The following KLK7 variants were observed in gnomAD, a reference collection of about 807,000 sequenced individuals.
The protein encoded by KLK7 is kallikrein-7.
A neutral mutation model predicts 21.0 loss-of-function variants in KLK7; 17 were observed. That is an observed-to-expected ratio of 0.81 (90% CI 0.55 to 1.21). The LOEUF (loss-of-function observed/expected upper bound fraction) is 1.21, where lower values mean the gene tolerates loss of function less well. Among genes scored for constraint, KLK7 ranks in the 50% most tolerant of loss-of-function variants. The pLI is 0.00. For missense variants in KLK7, 330 were observed against 322.8 expected (o/e 1.02, Z -0.17); for synonymous variants, 151 against 134.6 (o/e 1.12, Z -0.85).
rs2091094655 is a variant in KLK7 at position 50,982,191 on chromosome 19, C to T, written c.73+136G>A. The T allele has an allele frequency of 1.7e-5, 20 of 1,166,622 alleles. 1 individual carries two copies. Among genetic ancestry groups the T allele is most frequent in the South Asian group, 5.7e-5 (4 of 70,682 alleles). 72.3% of individuals were successfully genotyped at this position (1,166,622 alleles called of 1,614,324 possible). On this transcript the variant is annotated intron_variant, in intron 2 of 5. Transcript: ENST00000595820. ...CCTGAGTCAGCAGAAGCAGGAAGAG[C>T]GGGGGCTTCAGCCGACAGTCTGGTC...
chr19:50,976,468 T>G lies in KLK7; in HGVS notation c.*1068A>C, dbSNP rs777990482. Reference sequence around the variant, plus strand: ...CCTGAAAGGTCACCTCTCTCCAATCTTAGATCTTCAGACTTTTTTCCCCAC... The same window carrying G: ...CCTGAAAGGTCACCTCTCTCCAATCGTAGATCTTCAGACTTTTTTCCCCAC... On this transcript the variant is annotated 3_prime_UTR_variant, in exon 6 of 6. Coordinates refer to ENST00000595820, the MANE Select transcript of KLK7 (RefSeq NM_005046.4). 3 of 152,182 alleles carry G rather than the reference T, an allele frequency of 2.0e-5. No individual in the cohort carries two copies. Among genetic ancestry groups the G allele is most frequent in the Non-Finnish European group, 4.4e-5 (3 of 68,036 alleles). 9.4% of individuals were successfully genotyped at this position (152,182 alleles called of 1,614,324 possible). A position where few individuals can be genotyped will look rare whatever the true frequency, so the allele number is the denominator to read the frequency against.
At position 50,981,733 on chromosome 19, in the gene KLK7, G is replaced by C. The variant is rs763601401; in HGVS notation, c.221+34C>G. The C allele has an allele frequency of 2.6e-6, 4 of 1,534,046 alleles. No homozygotes were observed. In the South Asian group the frequency reaches 4.9e-5, roughly 19 times the overall value. On this transcript the variant is annotated intron_variant, in intron 3 of 5. Transcript: ENST00000595820. ...CCCCCATAGCGAGCTGGAGACGCTG[G>C]TGCACCTCCAGCAGAGACTTGGGCG...
At chr19:50,983,109 T>G (rs369002695) in intron 1 of KLK7, among the ~76,000 whole-genome samples, 1 of 14,962 alleles carries the variant, frequency 6.7e-5, no homozygotes, top group Non-Finnish European at 1.1e-4. Context: ...GGCCCCCAGC[T>G]CCTCCTCCCT....
chr19:50,982,450 TGCTGGA>T lies in KLK7; in HGVS notation c.-57_-52del. 6.4e-7 allele frequency: 1 copy of T among 1,566,166 alleles called. No individual in the cohort carries two copies. Reference sequence around the variant, plus strand: ...CTGCCAGGCGAGGAAGGGCCTCTCCTGCTGGAGCTGAGAAGGAGAAAGCATTCAGGC... The same window carrying T: ...CTGCCAGGCGAGGAAGGGCCTCTCCTGCTGAGAAGGAGAAAGCATTCAGGC... On this transcript the variant is annotated splice_region_variant and 5_prime_UTR_variant, in exon 2 of 6. Coordinates refer to ENST00000595820, the MANE Select transcript of KLK7 (RefSeq NM_005046.4).
At chr19:50,978,664 G>A (rs2091054097) in intron 5 of KLK7, among the ~76,000 whole-genome samples, 1 of 145,184 alleles carries the variant, frequency 6.9e-6, no homozygotes, top group South Asian at 2.4e-4. Flanking sequence ...GTGGGGAGAG[G>A]AGAGAGAGAC....
chr19:50,980,160 G>C, intron 4 of KLK7, 80 bp downstream of exon 4: 1 of 1,468,688 alleles, frequency 6.8e-7, no homozygotes, highest in South Asian at 1.2e-5. Context: ...GTCTGAGGGA[G>C]GAGGGGCTGG....
chr19:50,980,136 G>A, intron 4 of KLK7, 104 bp downstream of exon 4: 1 of 1,341,704 alleles, frequency 7.5e-7, no homozygotes, highest in Non-Finnish European at 1.0e-6. Flanking sequence ...AGGGGCTGAG[G>A]CCTGGACTCC....
chr19:50,981,879 C>T lies in KLK7; in HGVS notation c.109G>A (p.Ala37Thr). 3.1e-6 allele frequency: 5 copies of T among 1,612,630 alleles called. No homozygotes were observed. Among genetic ancestry groups the T allele is most frequent in the Non-Finnish European group, 4.2e-6 (5 of 1,179,624 alleles). ...GDKIIDGAPC[A>T]RGSHPWQVAL... Reference sequence around the variant, plus strand: ...ACCTGCCATGGGTGGGAGCCTCTTGCACATGGGGCGCCATCAATAATCTTG... The same window carrying T: ...ACCTGCCATGGGTGGGAGCCTCTTGTACATGGGGCGCCATCAATAATCTTG... Residue 37 changes from alanine (A) to threonine (T), a missense_variant, in exon 3 of 6, where the codon GCA (alanine) becomes ACA (threonine). Physicochemically the swap from Ala to Thr is moderately conservative, Grantham distance 58 (BLOSUM62 0). Coordinates refer to ENST00000595820, the MANE Select transcript of KLK7 (RefSeq NM_005046.4).
At position 50,979,814 on chromosome 19, in the gene KLK7, G is replaced by C; in HGVS notation, c.580C>G (p.Pro194Ala). Residue 194 changes from proline to alanine, a missense_variant, in exon 5 of 6, where the codon CCC becomes GCC. Pro to Ala is a conservative substitution (Grantham distance 27). Coordinates refer to ENST00000595820, the MANE Select transcript of KLK7 (RefSeq NM_005046.4). The stretch of plus-strand genomic sequence containing the variant: ...TTGCAGGCGTTTTTCTTGGAGTCGG[G>C]GATGCCAGCGCACAGCATGGAATTT... Reference protein sequence around the residue: ...LENSMLCAGIPDSKKNACNGD... With the variant: ...LENSMLCAGIADSKKNACNGD... 1 of 1,574,802 alleles carries C rather than the reference G, an allele frequency of 6.3e-7. No individual in the cohort carries two copies. The highest frequency in any genetic ancestry group is 8.6e-7 in the Non-Finnish European group (1 of 1,159,092).
chr19:50,980,456 G>A lies in KLK7; in HGVS notation c.253C>T (p.Leu85=). 6.2e-7 allele frequency: 1 copy of A among 1,613,986 alleles called. No homozygotes were observed. The highest frequency in any genetic ancestry group is 8.5e-7 in the Non-Finnish European group (1 of 1,179,942). Residue 85 remains leucine, a synonymous_variant, in exon 4 of 6, where the codon CTG becomes TTG. Coordinates refer to ENST00000595820, the MANE Select transcript of KLK7 (RefSeq NM_005046.4). The stretch of plus-strand genomic sequence containing the variant: ...ATCCTCTGAGCTCTCCTGTCGCCCA[G>A]CGTATCACTGCCCAGGTGCACGGTG... ...EYTVHLGSDT[L]GDRRAQRIKA...
intron 1 of KLK7, among the ~76,000 whole-genome samples, chr19:50,983,364 T>G (rs1206403181): frequency 3.5e-5 from 2 of 57,454 alleles, no homozygotes; most frequent in Admixed American, 1.8e-4. Flanking sequence ...CCCCAGCCCC[T>G]CCTCCCTCAG....
At chr19:50,981,650 G>C in intron 3 of KLK7, 117 bp downstream of exon 3, 1 of 1,003,048 alleles carries the variant, frequency 1.0e-6, no homozygotes, top group Non-Finnish European at 1.4e-6. Context: ...AGAGAGAGGA[G>C]GACAGAGACC....
Position 50,979,915 on chromosome 19 carries a change from G to C in KLK7, c.479C>G (p.Pro160Arg), listed in dbSNP as rs1376156040. The change falls in exon 5 of 6, where the codon CCC (proline) becomes CGC (arginine). Residue 160 changes from proline (P) to arginine (R), a missense_variant. Transcript: ENST00000595820. ...GTTTSPDVTF[P>R]SDLMCVDVKL... Reference sequence around the variant, plus strand: ...GACATCCACGCACATGAGGTCAGAGGGAAAGGTCACTGCAGGGAGGAGCAG... The same window carrying C: ...GACATCCACGCACATGAGGTCAGAGCGAAAGGTCACTGCAGGGAGGAGCAG... The C allele has an allele frequency of 1.3e-6, 2 of 1,596,034 alleles. No individual in the cohort carries two copies. Among genetic ancestry groups the C allele is most frequent in the Non-Finnish European group, 1.7e-6 (2 of 1,171,312 alleles).
chr19:50,978,319 C>A (rs995429652), intron 5 of KLK7, among the ~76,000 whole-genome samples: 1 of 152,104 alleles, frequency 6.6e-6, no homozygotes, highest in African/African-American at 2.4e-5. Flanking sequence ...CTATCCCTAA[C>A]ACTCACCATC....
Position 50,981,842 on chromosome 19 carries a change from C to T in KLK7, c.146G>A (p.Ser49Asn). Residue 49 changes from serine (S) to asparagine (N), a missense_variant, in exon 3 of 6, where the codon AGT (serine) becomes AAT (asparagine). Coordinates refer to ENST00000595820, the MANE Select transcript of KLK7 (RefSeq NM_005046.4). ...GCCTCCGCAGTGGAGCTGATTGCCACTGAGCAGGGCCACCTGCCATGGGTG... is the reference window on the plus strand; with the variant it reads ...GCCTCCGCAGTGGAGCTGATTGCCATTGAGCAGGGCCACCTGCCATGGGTG... Reference protein sequence around the residue: ...GSHPWQVALLSGNQLHCGGVL... With the variant: ...GSHPWQVALLNGNQLHCGGVL... 1 of 1,610,422 alleles carries T rather than the reference C, an allele frequency of 6.2e-7. No homozygotes were observed. The highest frequency in any genetic ancestry group is 8.5e-7 in the Non-Finnish European group (1 of 1,178,912).
chr19:50,979,884 G>A lies in KLK7; in HGVS notation c.510C>T (p.Leu170=), dbSNP rs1170701394. The part of the protein sequence containing the change: ...PSDLMCVDVK[L]ISPQDCTKVY... ...CCTTCGTGCAGTCCTGGGGGGAGAT[G>A]AGCTTGACATCCACGCACATGAGGT... The change falls in exon 5 of 6, where the codon CTC becomes CTT. Residue 170 remains leucine (L), a synonymous_variant. Coordinates refer to ENST00000595820, the MANE Select transcript of KLK7 (RefSeq NM_005046.4). 4 of 1,592,964 alleles carry A rather than the reference G, an allele frequency of 2.5e-6. No individual in the cohort carries two copies. The highest frequency in any genetic ancestry group is 3.4e-6 in the Non-Finnish European group (4 of 1,169,696).
At position 50,977,835 on chromosome 19, in the gene KLK7, A is replaced by T. The variant is rs559982577; in HGVS notation, c.607-144T>A. 2.9e-5 allele frequency: 25 copies of T among 847,628 alleles called. No individual in the cohort carries two copies. In the South Asian group the frequency reaches 3.7e-4, roughly 12 times the overall value. The allele number at this position is 847,628 out of a possible 1,614,324, so 52.5% of individuals were successfully genotyped here. On this transcript the variant is annotated intron_variant, in intron 5 of 5. Transcript: ENST00000595820. ...GAGAAGAGACTCATTGTCTCTGGGG[A>T]CTAATGGGAGAGCTAGTGCTAGGGA... is the stretch of plus-strand genomic sequence containing the variant.
chr19:50,983,668 C>G, intron 1 of KLK7, 183 bp downstream of exon 1: 1 of 876,400 alleles, frequency 1.1e-6, no homozygotes, highest in Non-Finnish European at 1.5e-6. Context: ...CCCTGTGGAA[C>G]CCAAACTTCT....
rs905134428 is a variant in KLK7, at chr19:50,981,862, T to C, written c.126A>G (p.Pro42=). 4.3e-6 allele frequency: 7 copies of C among 1,611,992 alleles called. No individual in the cohort carries two copies. The African/African-American group carries it at 6.7e-5, about 15-fold the overall frequency. Residue 42 remains proline (P), a synonymous_variant, in exon 3 of 6, where the codon CCA becomes CCG. Transcript: ENST00000595820. ...DGAPCARGSH[P]WQVALLSGNQ... ...TGCCACTGAGCAGGGCCACCTGCCA[T>C]GGGTGGGAGCCTCTTGCACATGGGG...
Sources: gnomAD v4.1 joint callset for allele counts (sites outside exome capture counted in the v4.1 genomes callset) on GRCh38, gnomAD v4.1.1 for gene constraint, MANE v1.5 for transcripts, NCBI Gene and HGNC (gene_info 2026-07-23, HGNC 2026-07-21) for gene names.